Variants in CSTF3 observed in about 807,000 individuals in gnomAD.
The protein encoded by CSTF3 is CF-1 77 kDa subunit.
Under a neutral mutation model 105.8 loss-of-function variants are expected in CSTF3, and 29 were observed. That is an observed-to-expected ratio of 0.27 (90% confidence interval 0.20 to 0.37). CSTF3 has a LOEUF of 0.37. CSTF3 is among the 10% of genes least tolerant of loss of function. CSTF3 has a pLI of 1.00. For synonymous variants in CSTF3, 252 were observed against 281.9 expected (o/e 0.89, Z 1.06); for missense variants, 357 against 879.3 (o/e 0.41, Z 7.51).
At position 33,085,261 on chromosome 11, in the gene CSTF3, A is replaced by G; in HGVS notation, c.1980T>C (p.Thr660=). 1.3e-6 allele frequency: 2 copies of G among 1,559,842 alleles called. No individual in the cohort carries two copies. Among genetic ancestry groups the G allele is most frequent in the Non-Finnish European group, 1.7e-6 (2 of 1,157,062 alleles). The change falls in exon 21 of 21, where the codon ACT becomes ACC. Residue 660 remains threonine (T), a synonymous_variant. Coordinates refer to ENST00000323959, the MANE Select transcript of CSTF3 (RefSeq NM_001326.3). Reference sequence around the variant, plus strand: ...CTACAGCTAGCTCTGGGGCCCCACCAGTAATGATCCTCACAGCTTCCTCAA... The same window carrying G: ...CTACAGCTAGCTCTGGGGCCCCACCGGTAATGATCCTCACAGCTTCCTCAA... ...NTVEEAVRII[T]GGAPELAVEG...
intron 3 of CSTF3, among the ~76,000 whole-genome samples, chr11:33,115,735 C>A (rs972260736): frequency 6.6e-6 from 1 of 152,100 alleles, no homozygotes; most frequent in African/African-American, 2.4e-5. Flanking sequence ...TCCTAATTTT[C>A]CTATGATAAA....
At chr11:33,146,739 G>A (rs939782817) in intron 1 of CSTF3, among the ~76,000 whole-genome samples, 1 of 151,650 alleles carries the variant, frequency 6.6e-6, no homozygotes, top group Non-Finnish European at 1.5e-5. Context: ...TGGTTTGTTT[G>A]AATTTTTCTT....
At chr11:33,140,462 A>G (rs1459796562) in intron 3 of CSTF3, among the ~76,000 whole-genome samples, 1 of 151,882 alleles carries the variant, frequency 6.6e-6, no homozygotes, top group Non-Finnish European at 1.5e-5. Context: ...AAACACACAC[A>G]ATGTTCCTGC....
intron 1 of CSTF3, among the ~76,000 whole-genome samples, chr11:33,159,907 C>T (rs1049266154): frequency 1.3e-5 from 2 of 152,022 alleles, no homozygotes; most frequent in Non-Finnish European, 1.5e-5. Flanking sequence ...ACAATAAAAC[C>T]TTTGGGAGAA....
At chr11:33,090,400 T>C in intron 17 of CSTF3, 132 bp downstream of exon 17, 1 of 540,396 alleles carries the variant, frequency 1.9e-6, no homozygotes, top group Non-Finnish European at 2.9e-6. Flanking sequence ...TCTTTGAACT[T>C]TTTTCTTGCT....
intron 3 of CSTF3, among the ~76,000 whole-genome samples, chr11:33,131,276 T>A (rs552254477): frequency 2.6e-5 from 4 of 152,238 alleles, no homozygotes; most frequent in African/African-American, 7.2e-5. Context: ...AAGGTTTGCT[T>A]AAATTCTCTG....
chr11:33,109,391 T>C (rs1350111746), intron 3 of CSTF3, among the ~76,000 whole-genome samples: 2 of 152,212 alleles, frequency 1.3e-5, no homozygotes, highest in Non-Finnish European at 2.9e-5. Flanking sequence ...AGAATGCTGA[T>C]GACAGTCTTT....
chr11:33,099,174 ATCT>A lies in CSTF3; in HGVS notation c.937-27_937-25del. The A allele has an allele frequency of 6.4e-7, 1 of 1,567,698 alleles. No individual in the cohort carries two copies. Among genetic ancestry groups the A allele is most frequent in the Non-Finnish European group, 8.6e-7 (1 of 1,167,244 alleles). Reference sequence around the variant, plus strand: ...TCCTGGTAGAAAAAAAAGAAAGCTCATCTTCAATAATTTTAATATAGTTGTGAG... The same window carrying A: ...TCCTGGTAGAAAAAAAAGAAAGCTCATCAATAATTTTAATATAGTTGTGAG... On this transcript the variant is annotated intron_variant, in intron 11 of 20. Transcript: ENST00000323959. The surrounding 1 kb of genome is among the most constrained non-coding windows in gnomAD (Gnocchi z 4.1).
At chr11:33,133,437 A>T (rs1275912966) in intron 3 of CSTF3, among the ~76,000 whole-genome samples, 5 of 152,244 alleles carry the variant, frequency 3.3e-5, no homozygotes, top group African/African-American at 1.2e-4. Context: ...GAAAACTGAC[A>T]TCACCAATAT....
intron 3 of CSTF3, among the ~76,000 whole-genome samples, chr11:33,119,113 T>C (rs1187674865): frequency 6.6e-6 from 1 of 151,752 alleles, no homozygotes; most frequent in East Asian, 1.9e-4. Context: ...CTTAAAACTG[T>C]TTATAATTCA....
At chr11:33,087,762 G>A (rs1458863140) in intron 17 of CSTF3, among the ~76,000 whole-genome samples, 3 of 152,202 alleles carry the variant, frequency 2.0e-5, no homozygotes, top group African/African-American at 7.2e-5. Context: ...CAAAGGTTTT[G>A]ATATTTCCCA....
In CSTF3 at chr11:33,093,140, GAGT is replaced by G. The variant is rs1855185946; in HGVS notation, c.1376-803_1376-801del. 2.6e-5 allele frequency among the ~76,000 whole-genome samples: 4 copies of G among 152,262 alleles called. No individual in the cohort carries two copies. The South Asian group carries it at 8.3e-4, about 32-fold the overall frequency. On this transcript the variant is annotated intron_variant, in intron 15 of 20. Transcript: ENST00000323959. ...AGAGGAGTTGTTTTTTATTGCCTGA[GAGT>G]AGTTATTCAGTTTATTACATGTCCA...
rs1457070110 is a variant in CSTF3 at position 33,161,316 on chromosome 11, C to T, written c.10G>A (p.Asp4Asn). The T allele has an allele frequency of 6.2e-7, 1 of 1,613,230 alleles. No homozygotes were observed. The highest frequency in any genetic ancestry group is 1.7e-5 in the Admixed American group (1 of 60,028). The change falls in exon 1 of 21, where the codon GAC (aspartate) becomes AAC (asparagine). Residue 4 changes from aspartate (D) to asparagine (N), a missense_variant. Asp to Asn is a conservative substitution (Grantham distance 23). Coordinates refer to ENST00000323959, the MANE Select transcript of CSTF3 (RefSeq NM_001326.3). MSG[D>N]GATEQAAEYV... ...TTCCTCACCTGCTCCGTGGCTCCGT[C>T]TCCTGACATGGCCTCAGCTGATTAC...
At chr11:33,107,875 G>A (rs1855342517) in intron 5 of CSTF3, 28 bp downstream of exon 5, 1 of 1,346,476 alleles carries the variant, frequency 7.4e-7, no homozygotes, top group African/African-American at 1.4e-5. Flanking sequence ...GAGATGACTT[G>A]CATTCTTAAG....
chr11:33,151,823 G>A (rs1002144825), intron 1 of CSTF3, among the ~76,000 whole-genome samples: 2 of 152,132 alleles, frequency 1.3e-5, no homozygotes, highest in African/African-American at 4.8e-5. Flanking sequence ...TCCAGTATAA[G>A]GGGTTCTAAT....
chr11:33,157,776 A>C (rs547639399), intron 1 of CSTF3, among the ~76,000 whole-genome samples: 2 of 151,596 alleles, frequency 1.3e-5, no homozygotes, highest in African/African-American at 4.8e-5. Flanking sequence ...TAAAAGGCTA[A>C]ATCTACACCT....
intron 1 of CSTF3, among the ~76,000 whole-genome samples, chr11:33,147,555 C>G (rs113916414): frequency 2.3e-3 from 350 of 149,170 alleles, no homozygotes; most frequent in African/African-American, 8.4e-3. Flanking sequence ...CCAGCCTGGG[C>G]AACAGAGTGA....
intron 3 of CSTF3, among the ~76,000 whole-genome samples, chr11:33,109,518 G>A (rs1006553220): frequency 6.6e-6 from 1 of 152,148 alleles, no homozygotes; most frequent in Admixed American, 6.5e-5. Flanking sequence ...GTTCAATCAA[G>A]GCTCTGGAGT....
chr11:33,113,054 A>G (rs983451378), intron 3 of CSTF3, among the ~76,000 whole-genome samples: 4 of 152,024 alleles, frequency 2.6e-5, no homozygotes, highest in Admixed American at 6.6e-5. Context: ...CTAAAAATAT[A>G]AAATTAGCTG....
Sources: gnomAD v4.1 joint callset for allele counts (sites outside exome capture counted in the v4.1 genomes callset) on GRCh38, gnomAD v4.1.1 for gene constraint, Gnocchi (gnomAD v3.1) non-coding constraint, MANE v1.5 for transcripts, NCBI Gene and HGNC (gene_info 2026-07-23, HGNC 2026-07-21) for gene names.